The following PARP8 variants were observed in gnomAD, a reference collection of about 807,000 sequenced individuals.
The protein encoded by PARP8 is poly(ADP-ribose) polymerase family member 8.
PARP8 carries 51 observed loss-of-function variants against 124.1 expected under a neutral mutation model. The ratio of observed to expected loss-of-function variants is 0.41; its 90% CI spans 0.33 to 0.52. The LOEUF (loss-of-function observed/expected upper bound fraction) is 0.52, where lower values mean the gene tolerates loss of function less well. PARP8 is among the 20% of genes least tolerant of loss of function. The pLI is 0.21. For synonymous variants in PARP8, 391 were observed against 361.5 expected, an observed-to-expected ratio of 1.08 and a Z score of -0.93; for missense variants, 860 against 1,018.9, an observed-to-expected ratio of 0.84 and a Z score of 2.12.
chr5:50,747,484 A>T (rs1233535652), intron 2 of PARP8, among the ~76,000 whole-genome samples: 5 of 151,480 alleles, frequency 3.3e-5, no homozygotes, highest in African/African-American at 1.2e-4. Context: ...TTAATTACTC[A>T]AATTATGATT....
chr5:50,670,931 G>A (rs4590146), intron 2 of PARP8, among the ~76,000 whole-genome samples: 9,624 of 152,224 alleles, frequency 0.063, 358 homozygotes, highest in South Asian at 0.19. Context: ...TTGAAAACTT[G>A]TGCTATATAT....
At chr5:50,792,488 T>TG (rs1488385089) in intron 10 of PARP8, among the ~76,000 whole-genome samples, 1 of 152,028 alleles carries the variant, frequency 6.6e-6, no homozygotes, top group East Asian at 1.9e-4. Context: ...TGTTTTTTTT[T>TG]TTGTTCCTCT....
At position 50,784,093 on chromosome 5, in the gene PARP8, G is replaced by A. The variant is rs529457256; in HGVS notation, c.671-4430G>A. Among the ~76,000 whole-genome samples the A allele has an allele frequency of 6.0e-4, 91 of 152,244 alleles. 1 individual carries two copies. Among genetic ancestry groups the A allele is most frequent in the African/African-American group, 2.1e-3 (89 of 41,570 alleles). ...TGCAATGTGTCTTTGGAAGGTATCAGCATTTATAGTAAAATGAAGTTGCAA... is the reference window on the plus strand; with the variant it reads ...TGCAATGTGTCTTTGGAAGGTATCAACATTTATAGTAAAATGAAGTTGCAA... On this transcript the variant is annotated intron_variant, in intron 9 of 25. Transcript: ENST00000281631.
intron 2 of PARP8, among the ~76,000 whole-genome samples, chr5:50,730,864 T>A (rs1232833467): frequency 6.6e-6 from 1 of 152,222 alleles, no homozygotes; most frequent in African/African-American, 2.4e-5. Context: ...CTGCATAAAC[T>A]TAGGCATATT....
chr5:50,790,473 C>G (rs1741822034), intron 10 of PARP8, among the ~76,000 whole-genome samples: 1 of 152,042 alleles, frequency 6.6e-6, no homozygotes, highest in African/African-American at 2.4e-5. Flanking sequence ...TTTTTTTATA[C>G]TATGATTTTT....
chr5:50,758,103 G>T (rs1760160139), intron 3 of PARP8, among the ~76,000 whole-genome samples: 1 of 152,088 alleles, frequency 6.6e-6, no homozygotes, highest in South Asian at 2.1e-4. Context: ...AGGCGTTTTT[G>T]ATACTTACTG....
intron 7 of PARP8, among the ~76,000 whole-genome samples, chr5:50,772,774 G>A (rs1198495729): frequency 6.6e-6 from 1 of 152,134 alleles, no homozygotes; most frequent in Non-Finnish European, 1.5e-5. Context: ...TTGGCTCACT[G>A]CAACCTCTGC....
In PARP8 at chr5:50,824,913, A is replaced by G. The variant is rs73102897; in HGVS notation, c.1866A>G (p.Pro622=). The change falls in exon 18 of 26, where the codon CCA becomes CCG. Residue 622 remains proline, a synonymous_variant. Transcript: ENST00000281631. ...GTATAATGACTTTTTTTCAGGCACC[A>G]TATCTGGAAATCAAGAAGCAAATGG... ...ITSIREMTQA[P]YLEIKKQMDK... 96 of 1,612,692 alleles carry G rather than the reference A, an allele frequency of 6.0e-5. No individual in the cohort carries two copies. The African/African-American group carries it at 9.5e-4, about 16-fold the overall frequency.
intron 14 of PARP8, among the ~76,000 whole-genome samples, chr5:50,805,525 G>A (rs1384494543): frequency 3.3e-5 from 5 of 151,994 alleles, no homozygotes; most frequent in Admixed American, 2.6e-4. Flanking sequence ...CTTTAAAACT[G>A]CATCACAAAC....
At position 50,828,000 on chromosome 5, in the gene PARP8, C is replaced by G. The variant is rs779190624; in HGVS notation, c.2034C>G (p.Ala678=). The change falls in exon 20 of 26, where the codon GCC becomes GCG. Residue 678 remains alanine (A), a synonymous_variant. Coordinates refer to ENST00000281631, the MANE Select transcript of PARP8 (RefSeq NM_024615.4). ...TCCTTCTTCTCAGCAGTCCACCAGC[C>G]AAAGAATCCAATTTTAGAGCTGCTA... ...HQFLLLSSPP[A]KESNFRAAKK... 3.1e-6 allele frequency: 5 copies of G among 1,613,612 alleles called. No homozygotes were observed. The highest frequency in any genetic ancestry group is 1.3e-5 in the African/African-American group (1 of 74,890).
chr5:50,827,920 G>A, intron 19 of PARP8, 24 bp from the exon 20 acceptor site: 2 of 1,505,202 alleles, frequency 1.3e-6, no homozygotes, highest in Non-Finnish European at 1.8e-6. Flanking sequence ...ACATGTTTTT[G>A]TTTGTCTTTA....
intron 2 of PARP8, among the ~76,000 whole-genome samples, chr5:50,707,627 C>G (rs374807290): frequency 1.2e-4 from 18 of 145,214 alleles, no homozygotes; most frequent in South Asian, 2.3e-4. Flanking sequence ...ATAGGGGAGA[C>G]AGAGAGAGAG....
intron 1 of PARP8, 145 bp from the exon 2 acceptor site, chr5:50,667,926 C>A: frequency 6.5e-7 from 1 of 1,532,890 alleles, no homozygotes; most frequent in Non-Finnish European, 8.7e-7. Flanking sequence ...TCGGACGCGG[C>A]GCAGAGGGAC....
intron 25 of PARP8, among the ~76,000 whole-genome samples, chr5:50,839,269 G>T (rs995576293): frequency 1.3e-5 from 2 of 151,646 alleles, no homozygotes; most frequent in Non-Finnish European, 1.5e-5. Flanking sequence ...CCTTTTAGAC[G>T]TTTTCATTTT....
chr5:50,698,016 G>A (rs1232521775), intron 2 of PARP8, among the ~76,000 whole-genome samples: 1 of 151,968 alleles, frequency 6.6e-6, no homozygotes, highest in African/African-American at 2.4e-5. Context: ...CTCTCTCCTT[G>A]TGATTAGGTT....
At chr5:50,801,824 G>A (rs1478811341) in intron 14 of PARP8, among the ~76,000 whole-genome samples, 1 of 152,140 alleles carries the variant, frequency 6.6e-6, no homozygotes, top group Non-Finnish European at 1.5e-5. Context: ...ATGTTTATAA[G>A]TGTTTTATCT....
intron 15 of PARP8, 68 bp downstream of exon 15, chr5:50,815,592 C>T (rs937972371): frequency 5.6e-6 from 6 of 1,075,546 alleles, no homozygotes; most frequent in East Asian, 5.6e-5. Flanking sequence ...CACTAGTTAT[C>T]TTCATTCTGC....
chr5:50,767,370 A>G (rs1420262630), intron 7 of PARP8, among the ~76,000 whole-genome samples: 1 of 152,206 alleles, frequency 6.6e-6, no homozygotes, highest in Non-Finnish European at 1.5e-5. Flanking sequence ...AAGCCAAAGA[A>G]TAAAAACAGT....
At chr5:50,690,528 C>T (rs1053288840) in intron 2 of PARP8, among the ~76,000 whole-genome samples, 8 of 152,158 alleles carry the variant, frequency 5.3e-5, no homozygotes, top group African/African-American at 1.9e-4. Flanking sequence ...AGTTTGAAGT[C>T]TTCCAACTAA....
Sources: allele counts gnomAD v4.1 joint callset (sites outside exome capture counted in the v4.1 genomes callset), GRCh38; gene constraint gnomAD v4.1.1; transcripts MANE v1.5; gene names NCBI Gene and HGNC (gene_info 2026-07-23, HGNC 2026-07-21).